Variants in SRGAP2 observed in about 807,000 individuals in gnomAD.
SRGAP2 encodes the protein SLIT-ROBO Rho GTPase activating protein 2.
Under a neutral mutation model 57.2 loss-of-function variants are expected in SRGAP2, and 15 were observed. The observed-to-expected ratio is 0.26, with a 90% confidence interval of 0.18 to 0.40. SRGAP2 has a LOEUF of 0.40. Ranked by LOEUF, SRGAP2 falls within the 10% of genes least tolerant of loss-of-function variation. The pLI is 1.00. For synonymous variants in SRGAP2, 249 were observed against 248.0 expected, an observed-to-expected ratio of 1.00 and a Z score of -0.04; for missense variants, 520 against 669.6, an observed-to-expected ratio of 0.78 and a Z score of 2.47.
chr1:206,450,083 C>T (rs933069823), intron 18 of SRGAP2, among the ~76,000 whole-genome samples: 18 of 152,158 alleles, frequency 1.2e-4, no homozygotes, highest in African/African-American at 4.3e-4. Context: ...AGAATCAGAC[C>T]TTGAGGAGTT....
intron 11 of SRGAP2, among the ~76,000 whole-genome samples, chr1:206,417,972 C>G (rs1553362628): frequency 6.6e-6 from 1 of 151,146 alleles, no homozygotes. Context: ...CATATGCGCT[C>G]ACATTTGTGT....
chr1:206,217,446 C>G (rs1468981385), intron 2 of SRGAP2, among the ~76,000 whole-genome samples: 1 of 152,134 alleles, frequency 6.6e-6, no homozygotes, highest in Non-Finnish European at 1.5e-5. Flanking sequence ...CATTGGCTAC[C>G]ATGATTTTGG....
At chr1:206,263,532 C>T (rs1437796948) in intron 2 of SRGAP2, among the ~76,000 whole-genome samples, 20 of 152,080 alleles carry the variant, frequency 1.3e-4, no homozygotes, top group Non-Finnish European at 2.2e-4. Context: ...ATTGCCCCTC[C>T]CTGACCCTTG....
chr1:206,442,598 G>T (rs182501052), intron 17 of SRGAP2, among the ~76,000 whole-genome samples: 1 of 152,296 alleles, frequency 6.6e-6, no homozygotes, highest in East Asian at 1.9e-4. Flanking sequence ...ATTGAAGACA[G>T]CATAGGAATT....
chr1:206,463,027 C>T lies in SRGAP2; in HGVS notation c.*1607C>T, dbSNP rs184072346. ...TTAGCCTTATTATTTTCTGTAGTTC[C>T]GGAGAGATGGTGGGTTGCCATTCTG... On this transcript the variant is annotated 3_prime_UTR_variant, in exon 23 of 23. Coordinates refer to ENST00000573034, the MANE Select transcript of SRGAP2 (RefSeq NM_015326.5). 5 of 152,146 alleles carry T rather than the reference C, an allele frequency of 3.3e-5. No individual in the cohort carries two copies. The highest frequency in any genetic ancestry group is 1.9e-4 in the East Asian group (1 of 5,188). 9.4% of individuals were successfully genotyped at this position (152,146 alleles called of 1,614,324 possible).
intron 14 of SRGAP2, among the ~76,000 whole-genome samples, chr1:206,431,844 G>A (rs1553368400): frequency 6.6e-6 from 1 of 152,214 alleles, no homozygotes; most frequent in Admixed American, 6.5e-5. Context: ...GAGTTGTGAG[G>A]GAGTAAGCCT....
At chr1:206,450,504 G>A (rs781993620) in intron 19 of SRGAP2, 39 bp downstream of exon 19, 1 of 778,668 alleles carries the variant, frequency 1.3e-6, no homozygotes. Flanking sequence ...GGACGCCAGG[G>A]GTGAGGCAGA....
rs1320322973 is a variant in SRGAP2 at position 206,283,803 on chromosome 1, C to T, written c.68-19478C>T. 2.6e-3 allele frequency among the ~76,000 whole-genome samples: 368 copies of T among 141,442 alleles called. 1 individual carries two copies. Among genetic ancestry groups the T allele is most frequent in the Non-Finnish European group, 2.0e-3 (133 of 65,420 alleles). 92.8% of individuals were successfully genotyped at this position (141,442 alleles called of 152,430 possible). A position where few individuals can be genotyped will look rare whatever the true frequency, so the allele number is the denominator to read the frequency against. ...AATTTATGTAAAATATTTTCTTTTA[C>T]ATCAACATTATTAAATTATTATACA... On this transcript the variant is annotated intron_variant, in intron 2 of 22. Transcript: ENST00000573034.
intron 2 of SRGAP2, among the ~76,000 whole-genome samples, chr1:206,274,663 TA>T (rs1202397417): frequency 6.7e-6 from 1 of 149,788 alleles, no homozygotes; most frequent in African/African-American, 2.5e-5. Flanking sequence ...CTAGGGTGGT[TA>T]AAAAAAAATC....
rs111792158 is a variant in SRGAP2 at position 206,355,713 on chromosome 1, C to A, written c.423+12705C>A. On this transcript the variant is annotated intron_variant, in intron 4 of 22. Transcript: ENST00000573034. ...TGGGCACAGTGGCTTATGTCTGTAA[C>A]CCCAGCACTTTGGGAGGCGGAGGCA... Among the ~76,000 whole-genome samples, 445 of 152,218 alleles carry A rather than the reference C, an allele frequency of 2.9e-3. 2 individuals are homozygous for A. Among genetic ancestry groups the A allele is most frequent in the African/African-American group, 0.01 (433 of 41,538 alleles).
At chr1:206,364,298 TC>T (rs1157246518) in intron 4 of SRGAP2, among the ~76,000 whole-genome samples, 1 of 141,820 alleles carries the variant, frequency 7.1e-6, no homozygotes, top group East Asian at 2.0e-4. Flanking sequence ...GGGTTGCTCT[TC>T]TTTTTTTTTT....
chr1:206,210,822 T>C (rs1462459003), intron 2 of SRGAP2, among the ~76,000 whole-genome samples: 1 of 150,756 alleles, frequency 6.6e-6, no homozygotes, highest in Admixed American at 6.6e-5. Flanking sequence ...AAACATTTAG[T>C]TGGAATCCTC....
chr1:206,265,577 G>C (rs1669794648), intron 2 of SRGAP2, among the ~76,000 whole-genome samples: 1 of 80,302 alleles, frequency 1.2e-5, no homozygotes, highest in Non-Finnish European at 2.4e-5. Flanking sequence ...AATACCAAGA[G>C]AGAAGGAATG....
At chr1:206,414,015 T>C in intron 10 of SRGAP2, among the ~76,000 whole-genome samples, 1 of 151,494 alleles carries the variant, frequency 6.6e-6, no homozygotes, top group South Asian at 2.1e-4. Context: ...TTTGTTCACT[T>C]TTCTTTTCTT....
rs1163001780 is a variant in SRGAP2 at position 206,437,715 on chromosome 1, G to C, written c.1634-249G>C. On this transcript the variant is annotated intron_variant, in intron 15 of 22. Coordinates refer to ENST00000573034, the MANE Select transcript of SRGAP2 (RefSeq NM_015326.5). Reference sequence around the variant, plus strand: ...TCCTCAGCCCATAGGGAATGTCCCTGAGCCAGGCTGGCACAAGAGAGTTTA... The same window carrying C: ...TCCTCAGCCCATAGGGAATGTCCCTCAGCCAGGCTGGCACAAGAGAGTTTA... 9 of 476,336 alleles carry C rather than the reference G, an allele frequency of 1.9e-5. No homozygotes were observed. The East Asian group carries it at 2.9e-4, about 15-fold the overall frequency. The allele number at this position is 476,336 out of a possible 1,614,324, so 29.5% of individuals were successfully genotyped here.
At chr1:206,339,317 A>G (rs1224942832) in intron 3 of SRGAP2, among the ~76,000 whole-genome samples, 1 of 152,016 alleles carries the variant, frequency 6.6e-6, no homozygotes, top group Non-Finnish European at 1.5e-5. Context: ...TGAGCCTTCT[A>G]TGGCATGTGA....
intron 13 of SRGAP2, among the ~76,000 whole-genome samples, chr1:206,429,461 G>T (rs948252136): frequency 6.6e-6 from 1 of 152,224 alleles, no homozygotes; most frequent in Non-Finnish European, 1.5e-5. Flanking sequence ...GTGGTGACAA[G>T]TGCCAACAAA....
intron 3 of SRGAP2, among the ~76,000 whole-genome samples, chr1:206,328,206 A>G (rs1674109098): frequency 1.8e-5 from 1 of 54,222 alleles, no homozygotes; most frequent in Non-Finnish European, 2.9e-5. Context: ...CCAGTCTATC[A>G]TTGTTGGACA....
At chr1:206,322,857 C>T (rs1188573199) in intron 3 of SRGAP2, among the ~76,000 whole-genome samples, 1 of 141,784 alleles carries the variant, frequency 7.1e-6, no homozygotes, top group Non-Finnish European at 1.5e-5. Flanking sequence ...TCAGCATCTG[C>T]TCAGCTCTTG....
Sources: gnomAD v4.1 joint callset for allele counts (sites outside exome capture counted in the v4.1 genomes callset) on GRCh38, gnomAD v4.1.1 for gene constraint, MANE v1.5 for transcripts, NCBI Gene and HGNC (gene_info 2026-07-23, HGNC 2026-07-21) for gene names.